The following RBFOX1 variants were observed in gnomAD, a reference collection of about 807,000 sequenced individuals.
RBFOX1 encodes the protein RNA binding protein fox-1 homolog 1.
In RBFOX1, 8 loss-of-function variants were observed where a neutral mutation model predicts 57.7. That is an observed-to-expected ratio of 0.14 (90% CI 0.08 to 0.25). RBFOX1 has a LOEUF of 0.25. Among genes scored for constraint, RBFOX1 ranks in the 10% least tolerant of loss-of-function variants. RBFOX1 has a pLI of 1.00. For synonymous variants in RBFOX1, 326 were observed against 222.4 expected (o/e 1.47, Z -4.15); for missense variants, 611 against 548.5 (o/e 1.11, Z -1.14).
intron 1 of RBFOX1, among the ~76,000 whole-genome samples, chr16:6,076,315 C>G (rs891934622): frequency 4.0e-5 from 6 of 150,496 alleles, no homozygotes; most frequent in African/African-American, 1.2e-4. Flanking sequence ...AAAAAAACAA[C>G]AAACGCACAA....
chr16:6,963,087 C>T (rs187580692), intron 3 of RBFOX1, among the ~76,000 whole-genome samples: 9 of 152,078 alleles, frequency 5.9e-5, no homozygotes, highest in Admixed American at 5.2e-4. Context: ...CCCACCTTCC[C>T]TCTCCTTTAC....
intron 2 of RBFOX1, among the ~76,000 whole-genome samples, chr16:6,390,521 C>T (rs1302060515): frequency 6.6e-6 from 1 of 151,246 alleles, no homozygotes; most frequent in Non-Finnish European, 1.5e-5. Context: ...AGGTGTCAGC[C>T]CTTTTGCAAC....
intron 3 of RBFOX1, among the ~76,000 whole-genome samples, chr16:5,637,011 G>T (rs944435653): frequency 6.6e-6 from 1 of 152,128 alleles, no homozygotes; most frequent in African/African-American, 2.4e-5. Flanking sequence ...GGCCCCTCAG[G>T]CTTCAAGGGG....
chr16:6,002,613 G>T (rs2060621466), intron 4 of RBFOX1, among the ~76,000 whole-genome samples: 1 of 152,162 alleles, frequency 6.6e-6, no homozygotes. Flanking sequence ...GAATCACTAA[G>T]ATCTCTGTCA....
chr16:5,899,408 A>C (rs576730035), intron 4 of RBFOX1, among the ~76,000 whole-genome samples: 1 of 152,292 alleles, frequency 6.6e-6, no homozygotes, highest in East Asian at 1.9e-4. Flanking sequence ...AGGTGGTGAC[A>C]AGCTGAGACT....
downstream of RBFOX1, among the ~76,000 whole-genome samples, chr16:5,600,665 G>C (rs1004385254): frequency 6.6e-6 from 1 of 151,966 alleles, no homozygotes; most frequent in Non-Finnish European, 1.5e-5. Context: ...CCCACTGCTT[G>C]GTGCTTGTCT....
intron 1 of RBFOX1, among the ~76,000 whole-genome samples, chr16:5,345,628 C>T (rs546992784): frequency 5.3e-5 from 8 of 152,276 alleles, no homozygotes; most frequent in Admixed American, 1.3e-4. Context: ...TGCATTTGGC[C>T]GTGCTCGTTG....
intron 2 of RBFOX1, among the ~76,000 whole-genome samples, chr16:6,517,716 C>G (rs12919303): frequency 6.6e-6 from 1 of 152,004 alleles, no homozygotes; most frequent in African/African-American, 2.4e-5. Flanking sequence ...CTGTCTTGCA[C>G]GATGGTTTCA....
intron 1 of RBFOX1, among the ~76,000 whole-genome samples, chr16:6,303,084 G>T (rs899994359): frequency 2.6e-5 from 4 of 152,094 alleles, no homozygotes; most frequent in Admixed American, 6.5e-5. Flanking sequence ...TGCCTTGATC[G>T]TTTTACTATT....
intron 3 of RBFOX1, among the ~76,000 whole-genome samples, chr16:6,854,320 T>G (rs1452170287): frequency 6.6e-6 from 1 of 151,802 alleles, no homozygotes; most frequent in African/African-American, 2.4e-5. Flanking sequence ...TAGGAAGGAG[T>G]CTTTGGGTAC....
At chr16:6,518,187 A>G (rs1398048441) in intron 2 of RBFOX1, among the ~76,000 whole-genome samples, 1 of 152,222 alleles carries the variant, frequency 6.6e-6, no homozygotes, top group Non-Finnish European at 1.5e-5. Context: ...TGGTTTGTTA[A>G]ATAAACTTGA....
chr16:5,901,423 C>T (rs17138815), intron 4 of RBFOX1, among the ~76,000 whole-genome samples: 8,709 of 152,252 alleles, frequency 0.057, 808 homozygotes, highest in African/African-American at 0.2. Flanking sequence ...AATATAACTC[C>T]TAGCTTAAGC....
chr16:6,114,637 A>G (rs2096480730), intron 1 of RBFOX1, among the ~76,000 whole-genome samples: 1 of 151,854 alleles, frequency 6.6e-6, no homozygotes, highest in South Asian at 2.2e-4. Context: ...TTTTTATGAG[A>G]CAAACAATGA....
At chr16:6,457,027 G>A (rs1329543233) in intron 2 of RBFOX1, among the ~76,000 whole-genome samples, 1 of 152,218 alleles carries the variant, frequency 6.6e-6, no homozygotes, top group Non-Finnish European at 1.5e-5. Context: ...ACACTGAGAA[G>A]TGAGAGGGGA....
At chr16:7,382,486 G>A (rs558805198) in intron 4 of RBFOX1, among the ~76,000 whole-genome samples, 3 of 152,256 alleles carry the variant, frequency 2.0e-5, no homozygotes, top group East Asian at 1.9e-4. Context: ...TCTTGTTAGC[G>A]CTTATTAAAT....
At chr16:6,149,706 C>G (rs2096784338) in intron 1 of RBFOX1, among the ~76,000 whole-genome samples, 1 of 152,154 alleles carries the variant, frequency 6.6e-6, no homozygotes, top group East Asian at 1.9e-4. Flanking sequence ...CAGCCACCCC[C>G]ATAAGAGATG....
chr16:7,421,326 C>T (rs1413931346), intron 4 of RBFOX1, among the ~76,000 whole-genome samples: 1 of 152,150 alleles, frequency 6.6e-6, no homozygotes, highest in Non-Finnish European at 1.5e-5. Context: ...TAAGTATCTT[C>T]TGGTTGATTC....
At chr16:7,406,953 G>T (rs749286931) in intron 4 of RBFOX1, among the ~76,000 whole-genome samples, 1 of 152,066 alleles carries the variant, frequency 6.6e-6, no homozygotes, top group Non-Finnish European at 1.5e-5. Flanking sequence ...ATCTCTCTCT[G>T]TCTCTGCCTC....
chr16:6,958,933 A>G (rs778433775), intron 3 of RBFOX1, among the ~76,000 whole-genome samples: 1 of 152,172 alleles, frequency 6.6e-6, no homozygotes, highest in Admixed American at 6.6e-5. Context: ...CCATCCTGAC[A>G]TAGGCAGCAT....
Sources: allele counts gnomAD v4.1 joint callset (sites outside exome capture counted in the v4.1 genomes callset), GRCh38; gene constraint gnomAD v4.1.1; transcripts MANE v1.5; gene names NCBI Gene and HGNC (gene_info 2026-07-23, HGNC 2026-07-21).